The following ANKFY1 variants were observed in gnomAD, a reference collection of about 807,000 sequenced individuals.
ANKFY1 encodes the protein ankyrin repeat and FYVE domain containing 1.
Under a neutral mutation model 128.3 loss-of-function variants are expected in ANKFY1, and 47 were observed. The observed-to-expected ratio is 0.37, with a 90% confidence interval of 0.29 to 0.47. The LOEUF (loss-of-function observed/expected upper bound fraction) is 0.47. Among genes scored for constraint, ANKFY1 ranks in the 20% least tolerant of loss-of-function variants. The pLI is 1.00. For synonymous variants in ANKFY1, 553 were observed against 601.6 expected, an observed-to-expected ratio of 0.92 and a Z score of 1.18; for missense variants, 1,222 against 1,510.6, an observed-to-expected ratio of 0.81 and a Z score of 3.17.
At chr17:4,168,084 T>C in intron 24 of ANKFY1, 173 bp from the exon 25 acceptor site, 1 of 638,848 alleles carries the variant, frequency 1.6e-6, no homozygotes, top group East Asian at 3.0e-5. Context: ...TTTTAGTCTA[T>C]GAAAACAAAA....
At position 4,178,725 on chromosome 17, in the gene ANKFY1, T is replaced by G; in HGVS notation, c.2598+132A>C. ...GATGGGACATCTCAACAGCCACATC[T>G]TAGGACAGGAGTACAACTTCAAAAC... On this transcript the variant is annotated intron_variant, in intron 18 of 24. Coordinates refer to ENST00000341657, the MANE Select transcript of ANKFY1 (RefSeq NM_001330063.2). This position sits in a 1 kb window ranked among gnomAD's most constrained non-coding sequence, Gnocchi z 4.1. 1.1e-6 allele frequency: 1 copy of G among 886,764 alleles called. No individual in the cohort carries two copies. Among genetic ancestry groups the G allele is most frequent in the Non-Finnish European group, 1.8e-6 (1 of 564,984 alleles). 54.9% of individuals were successfully genotyped at this position (886,764 alleles called of 1,614,324 possible). A position where few individuals can be genotyped will look rare whatever the true frequency, so the allele number is the denominator to read the frequency against.
chr17:4,206,805 C>A (rs577961473), intron 6 of ANKFY1, among the ~76,000 whole-genome samples: 7 of 152,176 alleles, frequency 4.6e-5, no homozygotes, highest in Non-Finnish European at 8.8e-5. Flanking sequence ...GAGAGTTTTA[C>A]GGTGAACAGC....
In ANKFY1 at chr17:4,217,961, G is replaced by A. The variant is rs1207422504; in HGVS notation, c.323-843C>T. Among the ~76,000 whole-genome samples the A allele has an allele frequency of 2.0e-5, 3 of 152,196 alleles. No homozygotes were observed. In the East Asian group the frequency reaches 5.8e-4, roughly 29 times the overall value. On this transcript the variant is annotated intron_variant, in intron 3 of 24. Coordinates refer to ENST00000341657, the MANE Select transcript of ANKFY1 (RefSeq NM_001330063.2). ...GGCCTCCTAAAGCATTAGGATTACAGGCGTGAGCCGCTTCACCCAGCCTGA... is the reference window on the plus strand; with the variant it reads ...GGCCTCCTAAAGCATTAGGATTACAAGCGTGAGCCGCTTCACCCAGCCTGA...
intron 4 of ANKFY1, among the ~76,000 whole-genome samples, chr17:4,215,126 TA>T (rs1194320149): frequency 6.6e-6 from 1 of 151,876 alleles, no homozygotes; most frequent in Non-Finnish European, 1.5e-5. Context: ...CCGTCTCTAC[TA>T]AAAATACAAA....
intron 10 of ANKFY1, chr17:4,191,416 C>T (rs547463910): frequency 1.3e-5 from 2 of 149,326 alleles, no homozygotes; most frequent in Admixed American, 6.7e-5. Context: ...TTGATGGTTG[C>T]TCTAATCTGG....
chr17:4,170,815 G>T lies in ANKFY1; in HGVS notation c.3186C>A (p.Ala1062=). 1.9e-6 allele frequency: 3 copies of T among 1,614,148 alleles called. No homozygotes were observed. The highest frequency in any genetic ancestry group is 1.1e-5 in the South Asian group (1 of 91,080). ...YMKGNANLCR[A]IVRSGARLGV... is the part of the protein sequence containing the mutation. ...CGAGGCGAGCCCCCGACCGGACGAT[G>T]GCGCGGCACAAGTTGGCGTTCCCTT... Residue 1062 remains alanine, a synonymous_variant, in exon 23 of 25, where the codon GCC becomes GCA. Transcript: ENST00000341657.
chr17:4,243,073 TG>T (rs1967336131), intron 1 of ANKFY1, among the ~76,000 whole-genome samples: 3 of 152,156 alleles, frequency 2.0e-5, no homozygotes, highest in Non-Finnish European at 2.9e-5. Flanking sequence ...TTTGTTTGTT[TG>T]TTTGTTTGTT....
At chr17:4,247,614 C>T (rs1021521242) in intron 1 of ANKFY1, among the ~76,000 whole-genome samples, 6 of 152,120 alleles carry the variant, frequency 3.9e-5, no homozygotes, top group African/African-American at 1.2e-4. Flanking sequence ...ATTACCAGCC[C>T]GTGGGGAATA....
intron 1 of ANKFY1, among the ~76,000 whole-genome samples, chr17:4,246,090 G>A (rs1967527176): frequency 6.6e-6 from 1 of 152,002 alleles, no homozygotes; most frequent in South Asian, 2.1e-4. Context: ...AAAAAATTAT[G>A]AGTAATAGAG....
At chr17:4,193,227 T>C (rs1241792203) in intron 10 of ANKFY1, among the ~76,000 whole-genome samples, 1 of 152,198 alleles carries the variant, frequency 6.6e-6, no homozygotes, top group Non-Finnish European at 1.5e-5. Flanking sequence ...TAAAAACTAG[T>C]TCTGTAAGAG....
intron 11 of ANKFY1, chr17:4,186,180 C>T (rs935215099): frequency 3.9e-5 from 6 of 152,252 alleles, no homozygotes; most frequent in African/African-American, 1.2e-4. Flanking sequence ...AACACACACA[C>T]TGGAGTGTTT....
At chr17:4,174,141 A>T in intron 19 of ANKFY1, 85 bp from the exon 20 acceptor site, 2 of 1,503,052 alleles carry the variant, frequency 1.3e-6, no homozygotes, top group South Asian at 2.5e-5. Flanking sequence ...TTGTCTTCTG[A>T]CACCCACAGA....
intron 1 of ANKFY1, chr17:4,263,478 A>AC: frequency 5.4e-6 from 2 of 370,814 alleles, no homozygotes; most frequent in South Asian, 2.2e-5. Context: ...ACCCCACCCC[A>AC]CCTCACCCCA....
chr17:4,246,929 T>C (rs1023359982), intron 1 of ANKFY1, among the ~76,000 whole-genome samples: 2 of 151,684 alleles, frequency 1.3e-5, no homozygotes, highest in African/African-American at 2.4e-5. Flanking sequence ...CTGGGCAACA[T>C]GGTGAAACCC....
Position 4,182,230 on chromosome 17 carries a change from G to A in ANKFY1, c.2072C>T (p.Pro691Leu), listed in dbSNP as rs545352965. ...ATTGTTTGCCAATGCAAGCCACAGCGGGGGGTTCCCCTTCTCATCTGGCAC... is the reference window on the plus strand; with the variant it reads ...ATTGTTTGCCAATGCAAGCCACAGCAGGGGGTTCCCCTTCTCATCTGGCAC... Reference protein sequence around the residue: ...MSVPDEKGNPPLWLALANNLE... With the variant: ...MSVPDEKGNPLLWLALANNLE... Residue 691 changes from proline to leucine, a missense_variant, in exon 15 of 25, where the codon CCG becomes CTG. Coordinates refer to ENST00000341657, the MANE Select transcript of ANKFY1 (RefSeq NM_001330063.2). The A allele has an allele frequency of 5.1e-5, 80 of 1,580,942 alleles. 2 individuals are homozygous for A. The South Asian group carries it at 7.2e-4, about 14-fold the overall frequency.
chr17:4,245,373 A>T (rs1435136436), intron 1 of ANKFY1, among the ~76,000 whole-genome samples: 1 of 152,040 alleles, frequency 6.6e-6, no homozygotes, highest in Non-Finnish European at 1.5e-5. Flanking sequence ...GCCTGGCTAC[A>T]TTTTAAACTT....
At position 4,167,615 on chromosome 17, in the gene ANKFY1, A is replaced by T; in HGVS notation, c.*164T>A. The T allele has an allele frequency of 1.6e-6, 1 of 610,462 alleles. No individual in the cohort carries two copies. Among genetic ancestry groups the T allele is most frequent in the Non-Finnish European group, 2.6e-6 (1 of 379,910 alleles). 37.8% of individuals were successfully genotyped at this position (610,462 alleles called of 1,614,324 possible). A position where few individuals can be genotyped will look rare whatever the true frequency, so the allele number is the denominator to read the frequency against. Reference sequence around the variant, plus strand: ...GACACACACACTGACAATCATATGGAATCATTTGAAATGGGATCTATCACA... The same window carrying T: ...GACACACACACTGACAATCATATGGTATCATTTGAAATGGGATCTATCACA... On this transcript the variant is annotated 3_prime_UTR_variant, in exon 25 of 25. Transcript: ENST00000341657. The surrounding 1 kb of genome is among the most constrained non-coding windows in gnomAD (Gnocchi z 4.1).
rs1303784502 is a variant in ANKFY1, at chr17:4,195,425, T to C, written c.1150A>G (p.Ser384Gly). 1 of 1,614,190 alleles carries C rather than the reference T, an allele frequency of 6.2e-7. No homozygotes were observed. The highest frequency in any genetic ancestry group is 2.2e-5 in the East Asian group (1 of 44,884). The change falls in exon 9 of 25, where the codon AGT becomes GGT. Residue 384 changes from serine (S) to glycine (G), a missense_variant. Ser to Gly is a moderately conservative substitution (Grantham distance 56, BLOSUM62 0). Coordinates refer to ENST00000341657, the MANE Select transcript of ANKFY1 (RefSeq NM_001330063.2). Reference sequence around the variant, plus strand: ...TACTGTTTGCACTGCAGCAGCTGACTGAACACATATTCATTCCCGGCCATG... The same window carrying C: ...TACTGTTTGCACTGCAGCAGCTGACCGAACACATATTCATTCCCGGCCATG... Reference protein sequence around the residue: ...SIMAGNEYVFSQLLQCKQLDL... With the variant: ...SIMAGNEYVFGQLLQCKQLDL...
intron 1 of ANKFY1, among the ~76,000 whole-genome samples, chr17:4,260,217 A>C (rs1968336073): frequency 6.6e-6 from 1 of 152,186 alleles, no homozygotes; most frequent in African/African-American, 2.4e-5. Flanking sequence ...TGATGTCTTA[A>C]AGGGAACACT....
Sources: allele counts gnomAD v4.1 joint callset (sites outside exome capture counted in the v4.1 genomes callset), GRCh38; gene constraint gnomAD v4.1.1; non-coding constraint Gnocchi (gnomAD v3.1); transcripts MANE v1.5; gene names NCBI Gene and HGNC (gene_info 2026-07-23, HGNC 2026-07-21).